RAF1: variants seen among roughly 807,000 people sequenced by gnomAD.
RAF1 encodes Raf-1 proto-oncogene, serine/threonine kinase.
In RAF1, 27 loss-of-function variants were observed where a neutral mutation model predicts 81.1. The observed-to-expected ratio is 0.33, with a 90% confidence interval of 0.25 to 0.46. RAF1 has a LOEUF of 0.46. RAF1 is among the 20% of genes least tolerant of loss of function. The pLI is 1.00. For synonymous variants in RAF1, 298 were observed against 294.0 expected, an observed-to-expected ratio of 1.01 and a Z score of -0.14; for missense variants, 598 against 826.0, an observed-to-expected ratio of 0.72 and a Z score of 3.38.
intron 1 of RAF1, among the ~76,000 whole-genome samples, chr3:12,658,241 T>C (rs1166639345): frequency 6.6e-6 from 1 of 152,182 alleles, no homozygotes; most frequent in Non-Finnish European, 1.5e-5. Flanking sequence ...GTTTAACATA[T>C]AAATTAGGCA....
intron 1 of RAF1, among the ~76,000 whole-genome samples, chr3:12,654,468 G>A (rs2060624971): frequency 6.6e-6 from 1 of 151,714 alleles, no homozygotes; most frequent in African/African-American, 2.4e-5. Context: ...TGAGTGTGGT[G>A]GCACACACCT....
At chr3:12,600,505 A>G in intron 8 of RAF1, 90 bp from the exon 8 acceptor site, 1 of 1,391,186 alleles carries the variant, frequency 7.2e-7, no homozygotes, top group Non-Finnish European at 1.0e-6. Context: ...GTGCAAGAAC[A>G]AAATAGATTA....
At chr3:12,653,196 C>T (rs900258569) in intron 1 of RAF1, among the ~76,000 whole-genome samples, 2 of 152,000 alleles carry the variant, frequency 1.3e-5, no homozygotes, top group East Asian at 3.9e-4. Context: ...GCAGGAGAAT[C>T]GCTTGAACCT....
intron 1 of RAF1, among the ~76,000 whole-genome samples, chr3:12,628,757 G>T (rs1032300265): frequency 2.4e-4 from 34 of 140,392 alleles, no homozygotes; most frequent in African/African-American, 8.5e-4. Context: ...TTTTTGGGGG[G>T]GGGGGGTGGC....
intron 1 of RAF1, among the ~76,000 whole-genome samples, chr3:12,630,349 T>TA (rs1389524892): frequency 6.6e-6 from 1 of 152,180 alleles, no homozygotes; most frequent in Non-Finnish European, 1.5e-5. Context: ...GCCTACTATG[T>TA]ACCAGGCACT....
At chr3:12,646,220 A>T (rs2060343725) in intron 1 of RAF1, among the ~76,000 whole-genome samples, 1 of 152,202 alleles carries the variant, frequency 6.6e-6, no homozygotes. Context: ...AGCTCACTGT[A>T]GCCTCAAACT....
Position 12,628,755 on chromosome 3 carries a change from G to GC in RAF1, c.-26-10009_-26-10008insG, listed in dbSNP as rs548999406. Reference sequence around the variant, plus strand: ...TGATGAACCTGAGACTATTTTTGGGGGGGGGGGGTGGCGGGGCACATGGTC... The same window carrying GC: ...TGATGAACCTGAGACTATTTTTGGGGCGGGGGGGGTGGCGGGGCACATGGTC... On this transcript the variant is annotated intron_variant, in intron 1 of 17. Coordinates refer to ENST00000442415, the MANE Select transcript of RAF1 (RefSeq NM_001354689.3). Among the ~76,000 whole-genome samples, 782 of 137,946 alleles carry GC rather than the reference G, an allele frequency of 5.7e-3. 9 individuals carry two copies. The highest frequency in any genetic ancestry group is 0.046 in the Middle Eastern group (13 of 282). 90.5% of individuals were successfully genotyped at this position (137,946 alleles called of 152,430 possible).
chr3:12,596,776 T>TTCC (rs1559415501), intron 11 of RAF1, among the ~76,000 whole-genome samples: 1 of 152,220 alleles, frequency 6.6e-6, no homozygotes, highest in African/African-American at 2.4e-5. Flanking sequence ...GAAGTTATGT[T>TTCC]TCCTGGACCA....
rs1408598771 is a variant in RAF1, at chr3:12,608,566, T to TA, written c.581+199dup. 6.1e-5 allele frequency: 38 copies of TA among 626,984 alleles called. No individual in the cohort carries two copies. The East Asian group carries it at 1.0e-3, about 17-fold the overall frequency. 38.8% of individuals were successfully genotyped at this position (626,984 alleles called of 1,614,324 possible). A position where few individuals can be genotyped will look rare whatever the true frequency, so the allele number is the denominator to read the frequency against. ...TTTGACAGATAACAAGTCCTACTCC[T>TA]ACCTGCTCATTCTGGAGTATGAATG... On this transcript the variant is annotated intron_variant, in intron 5 of 17. Coordinates refer to ENST00000442415, the MANE Select transcript of RAF1 (RefSeq NM_001354689.3).
chr3:12,613,197 T>C (rs942692142), intron 2 of RAF1, among the ~76,000 whole-genome samples: 2 of 152,098 alleles, frequency 1.3e-5, no homozygotes, highest in Non-Finnish European at 2.9e-5. Flanking sequence ...TAATGGCAGC[T>C]GTAAAAAAAT....
Position 12,583,749 on chromosome 3 carries a change from G to A in RAF1, c.*765C>T, listed in dbSNP as rs5746251. 369 of 233,260 alleles carry A rather than the reference G, an allele frequency of 1.6e-3. 1 individual carries two copies. The highest frequency in any genetic ancestry group is 7.7e-3 in the African/African-American group (348 of 45,128). 14.4% of individuals were successfully genotyped at this position (233,260 alleles called of 1,614,324 possible). A position where few individuals can be genotyped will look rare whatever the true frequency, so the allele number is the denominator to read the frequency against. Reference sequence around the variant, plus strand: ...TGGCTTCCTTGTATACACATGATGTGACTAGAGAAACAAGGCTGTTTGTTT... The same window carrying A: ...TGGCTTCCTTGTATACACATGATGTAACTAGAGAAACAAGGCTGTTTGTTT... On this transcript the variant is annotated 3_prime_UTR_variant, in exon 18 of 18. Transcript: ENST00000442415.
chr3:12,635,657 AAAAG>A (rs1392209128), intron 1 of RAF1, among the ~76,000 whole-genome samples: 2 of 131,818 alleles, frequency 1.5e-5, no homozygotes, highest in African/African-American at 5.8e-5. Flanking sequence ...AAAAAAAAAA[AAAAG>A]AGAGAGAGAG....
At chr3:12,622,215 G>A (rs1184188651) in intron 1 of RAF1, among the ~76,000 whole-genome samples, 1 of 152,080 alleles carries the variant, frequency 6.6e-6, no homozygotes, top group Non-Finnish European at 1.5e-5. Flanking sequence ...AAAGATGGAG[G>A]AGCTTAAGAC....
At chr3:12,661,903 A>G (rs1432530197) in intron 1 of RAF1, among the ~76,000 whole-genome samples, 2 of 151,488 alleles carry the variant, frequency 1.3e-5, no homozygotes, top group African/African-American at 4.9e-5. Context: ...ATGTTCTGCT[A>G]GCCAGGCACA....
chr3:12,616,426 TAGGC>T (rs1230679708), intron 2 of RAF1, among the ~76,000 whole-genome samples: 1 of 152,166 alleles, frequency 6.6e-6, no homozygotes, highest in Non-Finnish European at 1.5e-5. Context: ...TGAGAAACAG[TAGGC>T]AAAATTACTT....
intron 2 of RAF1, among the ~76,000 whole-genome samples, chr3:12,612,388 C>T (rs1268051660): frequency 6.6e-6 from 1 of 152,162 alleles, no homozygotes; most frequent in Non-Finnish European, 1.5e-5. Context: ...GTGGCTCACG[C>T]CTGTAATCTC....
At chr3:12,603,696 G>C (rs368404027) in intron 7 of RAF1, among the ~76,000 whole-genome samples, 1 of 152,138 alleles carries the variant, frequency 6.6e-6, no homozygotes, top group African/African-American at 2.4e-5. Flanking sequence ...ACTAGCTTTG[G>C]GCACTTTGAC....
intron 2 of RAF1, among the ~76,000 whole-genome samples, chr3:12,613,100 C>T (rs1363340100): frequency 6.6e-6 from 1 of 152,162 alleles, no homozygotes; most frequent in African/African-American, 2.4e-5. Flanking sequence ...ACATACTTCT[C>T]TATATTCCCC....
Position 12,608,806 on chromosome 3 carries a change from G to A in RAF1, c.541C>T (p.Pro181Ser). 6.2e-7 allele frequency: 1 copy of A among 1,614,114 alleles called. No homozygotes were observed. The highest frequency in any genetic ancestry group is 8.5e-7 in the Non-Finnish European group (1 of 1,180,020). The change falls in exon 5 of 18, where the codon CCT (proline) becomes TCT (serine). Residue 181 changes from proline to serine, a missense_variant. Physicochemically the swap from Pro to Ser is moderately conservative, Grantham distance 74. Transcript: ENST00000442415. ...TTACTCCAGTCCACACACATAGTAGGTACTTTGGTGCTACAGTGCTCATGA... is the reference window on the plus strand; with the variant it reads ...TTACTCCAGTCCACACACATAGTAGATACTTTGGTGCTACAGTGCTCATGA...
Sources: gnomAD v4.1 joint callset for allele counts (sites outside exome capture counted in the v4.1 genomes callset) on GRCh38, gnomAD v4.1.1 for gene constraint, MANE v1.5 for transcripts, NCBI Gene and HGNC (gene_info 2026-07-23, HGNC 2026-07-21) for gene names.